The following TUBGCP3 variants were observed in gnomAD, a reference collection of about 807,000 sequenced individuals.
TUBGCP3 encodes gamma-tubulin complex component 3.
A neutral mutation model predicts 123.1 loss-of-function variants in TUBGCP3; 50 were observed. That is an observed-to-expected ratio of 0.41 (90% CI 0.32 to 0.51). TUBGCP3 has a LOEUF of 0.51. TUBGCP3 is among the 20% of genes least tolerant of loss of function. The pLI is 0.36. For synonymous variants in TUBGCP3, 405 were observed against 413.9 expected, an observed-to-expected ratio of 0.98 and a Z score of 0.26; for missense variants, 882 against 1,127.0, an observed-to-expected ratio of 0.78 and a Z score of 3.11.
rs575951238 is a variant in TUBGCP3 at position 112,573,210 on chromosome 13, G to C, written c.77-3951C>G. ...ACGAGATTAGACATAACACATCCAT[G>C]AAACAAAACAGTATGCCATAAATTC... On this transcript the variant is annotated intron_variant, in intron 1 of 21. Coordinates refer to ENST00000261965, the MANE Select transcript of TUBGCP3 (RefSeq NM_006322.6). 2.0e-5 allele frequency among the ~76,000 whole-genome samples: 3 copies of C among 151,220 alleles called. No individual in the cohort carries two copies. In the East Asian group the frequency reaches 5.8e-4, roughly 29 times the overall value.
At chr13:112,597,046 C>T in the TUBGCP3 span, among the ~76,000 whole-genome samples, 1 of 152,208 alleles carries the variant, frequency 6.6e-6, no homozygotes, top group Non-Finnish European at 1.5e-5. Context: ...GGATTTCCTC[C>T]AATTTCCAGA....
At chr13:112,600,516 A>C in the TUBGCP3 span, among the ~76,000 whole-genome samples, 3 of 152,234 alleles carry the variant, frequency 2.0e-5, no homozygotes, top group Admixed American at 1.3e-4. Context: ...ATCTTTCAGG[A>C]AAATGTCATT....
intron 11 of TUBGCP3, among the ~76,000 whole-genome samples, chr13:112,543,571 TAG>T (rs1028270168): frequency 1.2e-4 from 19 of 152,272 alleles, no homozygotes; most frequent in South Asian, 1.2e-3. Flanking sequence ...TTTCAAACCA[TAG>T]AGTCATTTAA....
intron 21 of TUBGCP3, among the ~76,000 whole-genome samples, chr13:112,487,498 G>A (rs1174069925): frequency 2.0e-5 from 3 of 152,218 alleles, no homozygotes; most frequent in African/African-American, 7.2e-5. Flanking sequence ...CGTTGTCTCA[G>A]AAATAAGCAC....
In TUBGCP3 at chr13:112,569,162, G is replaced by A. The variant is rs768944283; in HGVS notation, c.174C>T (p.Ile58=). The A allele has an allele frequency of 1.9e-6, 3 of 1,613,912 alleles. No individual in the cohort carries two copies. In the South Asian group the frequency reaches 3.3e-5, roughly 18 times the overall value. The change falls in exon 2 of 22, where the codon ATC becomes ATT. Residue 58 remains isoleucine, a synonymous_variant. Transcript: ENST00000261965. ...AAGAAAAATACGTACGCTCTTTCTT[G>A]ATTTTTTCAGCTACTAAAAATTCAT... ...ERDEFLVAEK[I]KKELIRQRRE...
intron 11 of TUBGCP3, among the ~76,000 whole-genome samples, chr13:112,539,444 T>G (rs755866034): frequency 2.0e-5 from 3 of 152,182 alleles, no homozygotes; most frequent in African/African-American, 7.2e-5. Context: ...AGCAGACCCA[T>G]GGCAAAGAAC....
At chr13:112,493,436 C>T (rs1356190822) in intron 20 of TUBGCP3, among the ~76,000 whole-genome samples, 4 of 143,474 alleles carry the variant, frequency 2.8e-5, no homozygotes, top group Non-Finnish European at 6.1e-5. Flanking sequence ...GCTATGGGAA[C>T]ATGGCCTGGT....
At chr13:112,499,928 GA>G (rs1224308241) in intron 19 of TUBGCP3, among the ~76,000 whole-genome samples, 1 of 152,068 alleles carries the variant, frequency 6.6e-6, no homozygotes, top group East Asian at 1.9e-4. Context: ...TGTATACACA[GA>G]AAATACCATC....
At chr13:112,576,784 G>C (rs1480884623) in intron 1 of TUBGCP3, among the ~76,000 whole-genome samples, 1 of 151,812 alleles carries the variant, frequency 6.6e-6, no homozygotes, top group Non-Finnish European at 1.5e-5. Flanking sequence ...AAAATTTATA[G>C]CATAAAATGC....
At chr13:112,575,892 C>T (rs745424317) in intron 1 of TUBGCP3, among the ~76,000 whole-genome samples, 60 of 152,192 alleles carry the variant, frequency 3.9e-4, no homozygotes, top group Non-Finnish European at 8.2e-4. Context: ...CTGGAAAAGG[C>T]GACGCAGCAC....
At chr13:112,534,070 G>A (rs1877823118) in intron 11 of TUBGCP3, among the ~76,000 whole-genome samples, 1 of 152,030 alleles carries the variant, frequency 6.6e-6, no homozygotes, top group Non-Finnish European at 1.5e-5. Context: ...GGAAGGAGGT[G>A]GCACTCTGAA....
chr13:112,585,542 G>A (rs1882548923), intron 1 of TUBGCP3, among the ~76,000 whole-genome samples: 1 of 152,038 alleles, frequency 6.6e-6, no homozygotes, highest in Non-Finnish European at 1.5e-5. Context: ...CAGGGGGGTG[G>A]GGTGCAGATC....
intron 13 of TUBGCP3, among the ~76,000 whole-genome samples, chr13:112,523,863 A>T (rs1876824840): frequency 1.3e-5 from 2 of 152,206 alleles, no homozygotes; most frequent in South Asian, 2.1e-4. Flanking sequence ...GATAAAAATG[A>T]ATTTGACATG....
chr13:112,573,443 AAAG>A (rs1455995100), intron 1 of TUBGCP3, among the ~76,000 whole-genome samples: 1 of 152,134 alleles, frequency 6.6e-6, no homozygotes, highest in African/African-American at 2.4e-5. Flanking sequence ...ATAAATGTCC[AAAG>A]AAGTCATACA....
chr13:112,556,777 T>G (rs1880083232), intron 5 of TUBGCP3, among the ~76,000 whole-genome samples: 1 of 152,228 alleles, frequency 6.6e-6, no homozygotes, highest in South Asian at 2.1e-4. Flanking sequence ...CTAAGGCAAA[T>G]GCATATTCAA....
chr13:112,544,272 T>A (rs549552357), intron 11 of TUBGCP3, among the ~76,000 whole-genome samples: 1 of 151,952 alleles, frequency 6.6e-6, no homozygotes, highest in South Asian at 2.1e-4. Context: ...GCTAACACAG[T>A]GAAACCCCGT....
intron 17 of TUBGCP3, among the ~76,000 whole-genome samples, chr13:112,515,801 G>A (rs1447505368): frequency 6.6e-6 from 1 of 152,188 alleles, no homozygotes; most frequent in Non-Finnish European, 1.5e-5. Context: ...CTGGATCTCT[G>A]GTAGCTGCTC....
intron 17 of TUBGCP3, among the ~76,000 whole-genome samples, chr13:112,512,191 C>T (rs1216863663): frequency 1.3e-5 from 2 of 151,904 alleles, no homozygotes; most frequent in African/African-American, 2.4e-5. Flanking sequence ...GAGGCCAAGG[C>T]GGGCAGATCA....
Position 112,504,128 on chromosome 13 carries a change from T to C in TUBGCP3, c.2211A>G (p.Lys737=), listed in dbSNP as rs752735566. 9.9e-6 allele frequency: 16 copies of C among 1,614,162 alleles called. No homozygotes were observed. The highest frequency in any genetic ancestry group is 1.3e-5 in the Non-Finnish European group (15 of 1,180,030). Residue 737 remains lysine, a synonymous_variant, in exon 19 of 22, where the codon AAA becomes AAG. Coordinates refer to ENST00000261965, the MANE Select transcript of TUBGCP3 (RefSeq NM_006322.6). ...LECSWDELWN[K]VQQAQDLDHI... ...GATCCAAATCCTGGGCCTGCTGGAC[T>C]TTGTTCCAAAGCTCATCCCAAGAAC...
Sources: gnomAD v4.1 joint callset for allele counts (sites outside exome capture counted in the v4.1 genomes callset) on GRCh38, gnomAD v4.1.1 for gene constraint, MANE v1.5 for transcripts, NCBI Gene and HGNC (gene_info 2026-07-23, HGNC 2026-07-21) for gene names.